The following FTO variants were observed in gnomAD, a reference collection of about 807,000 sequenced individuals.
FTO encodes the protein alpha-ketoglutarate-dependent dioxygenase FTO.
A neutral mutation model predicts 63.9 loss-of-function variants in FTO; 47 were observed. That is an observed-to-expected ratio of 0.74 (90% CI 0.58 to 0.94). The LOEUF (loss-of-function observed/expected upper bound fraction) is 0.94, where lower values mean the gene tolerates loss of function less well. FTO is among the 40% of genes least tolerant of loss of function. The pLI, the probability that FTO is intolerant of heterozygous loss-of-function variation, is 0.00. For synonymous variants in FTO, 207 were observed against 224.4 expected (o/e 0.92, Z 0.69); for missense variants, 562 against 618.1 (o/e 0.91, Z 0.96).
Position 53,882,869 on chromosome 16 carries a change from C to G in FTO, c.1119+2882C>G, listed in dbSNP as rs564782626. 9.9e-5 allele frequency among the ~76,000 whole-genome samples: 15 copies of G among 152,272 alleles called. No individual in the cohort carries two copies. The East Asian group carries it at 2.7e-3, about 27-fold the overall frequency. ...ACTTTGTGAAACATTGTCATAATCT[C>G]CAGAACCACAGGGGAAGCAATTCTG... is the stretch of plus-strand genomic sequence containing the variant. On this transcript the variant is annotated intron_variant, in intron 6 of 8. Coordinates refer to ENST00000471389, the MANE Select transcript of FTO (RefSeq NM_001080432.3).
intron 6 of FTO, among the ~76,000 whole-genome samples, chr16:53,888,433 T>TTTTAAAAATAAAA (rs1283533485): frequency 4.0e-5 from 6 of 151,262 alleles, no homozygotes; most frequent in South Asian, 2.1e-4. Context: ...GCCAATTTAT[T>TTTTAAAAATAAAA]AGTAGCTTGG....
At chr16:53,972,019 T>C (rs1367178165) in intron 8 of FTO, among the ~76,000 whole-genome samples, 3 of 152,108 alleles carry the variant, frequency 2.0e-5, no homozygotes, top group African/African-American at 7.2e-5. Flanking sequence ...CGACAAATGA[T>C]GTATAATCTG....
chr16:53,932,337 T>TA (rs1218921865), intron 7 of FTO, among the ~76,000 whole-genome samples: 5 of 152,118 alleles, frequency 3.3e-5, no homozygotes, highest in African/African-American at 4.8e-5. Context: ...TTTTCTGACT[T>TA]ACCTGTTTGT....
At chr16:53,999,814 G>C (rs1237879188) in intron 8 of FTO, 1 of 152,194 alleles carries the variant, frequency 6.6e-6, no homozygotes. Flanking sequence ...TAATTTGCTA[G>C]GTTTCGTTCC....
chr16:53,904,032 T>C (rs578231883), intron 7 of FTO, among the ~76,000 whole-genome samples: 6 of 151,868 alleles, frequency 4.0e-5, no homozygotes, highest in Non-Finnish European at 2.9e-5. Flanking sequence ...ATAGACAATA[T>C]ACATATATGT....
At chr16:53,967,621 T>C (rs2083223823) in intron 8 of FTO, among the ~76,000 whole-genome samples, 1 of 152,244 alleles carries the variant, frequency 6.6e-6, no homozygotes, top group Non-Finnish European at 1.5e-5. Context: ...CAAGTGCATA[T>C]TTCCAAAGTG....
At chr16:54,110,659 A>G (rs555309408) in intron 8 of FTO, among the ~76,000 whole-genome samples, 35 of 152,328 alleles carry the variant, frequency 2.3e-4, no homozygotes, top group Middle Eastern at 6.8e-3. Flanking sequence ...AGGATATTCC[A>G]TTCTTTGATC....
intron 8 of FTO, among the ~76,000 whole-genome samples, chr16:53,949,053 G>A (rs1156778235): frequency 6.6e-6 from 1 of 152,184 alleles, no homozygotes; most frequent in Non-Finnish European, 1.5e-5. Context: ...AGTGAATGAG[G>A]TGTATATGGT....
At chr16:53,959,828 C>G (rs1045182702) in intron 8 of FTO, among the ~76,000 whole-genome samples, 1 of 152,064 alleles carries the variant, frequency 6.6e-6, no homozygotes, top group Admixed American at 6.6e-5. Flanking sequence ...AGGGTACAAG[C>G]TGGGTCCTGA....
chr16:53,747,518 T>C (rs909482067), intron 1 of FTO, among the ~76,000 whole-genome samples: 1 of 152,160 alleles, frequency 6.6e-6, no homozygotes, highest in Non-Finnish European at 1.5e-5. Flanking sequence ...ACCTTCCCCA[T>C]TTTTTAACTG....
intron 7 of FTO, among the ~76,000 whole-genome samples, chr16:53,908,479 C>T (rs1252382417): frequency 6.6e-6 from 1 of 152,196 alleles, no homozygotes; most frequent in East Asian, 1.9e-4. Flanking sequence ...GGGGTCGGCA[C>T]ATCGTTCCTT....
chr16:53,763,567 T>C (rs990321546), intron 1 of FTO, among the ~76,000 whole-genome samples: 1 of 152,192 alleles, frequency 6.6e-6, no homozygotes, highest in African/African-American at 2.4e-5. Context: ...GTACCCTGGA[T>C]GTTTGCTATG....
chr16:53,786,368 C>T (rs1238483865), intron 1 of FTO, among the ~76,000 whole-genome samples: 1 of 152,130 alleles, frequency 6.6e-6, no homozygotes, highest in Non-Finnish European at 1.5e-5. Flanking sequence ...CAGTTCCAGT[C>T]ATTTTTGACA....
intron 2 of FTO, among the ~76,000 whole-genome samples, chr16:53,815,358 G>C (rs1009562054): frequency 6.6e-6 from 1 of 152,056 alleles, no homozygotes; most frequent in African/African-American, 2.4e-5. Flanking sequence ...CCCTCATTTA[G>C]TCACTGGGTC....
chr16:53,880,081 A>G (rs2080782178), intron 6 of FTO, 94 bp downstream of exon 6: 4 of 893,722 alleles, frequency 4.5e-6, no homozygotes, highest in East Asian at 5.3e-5. Flanking sequence ...TACAACCTCC[A>G]TCTCCCAGGT....
intron 8 of FTO, among the ~76,000 whole-genome samples, chr16:54,022,042 T>A (rs2084613967): frequency 1.3e-5 from 2 of 152,196 alleles, no homozygotes; most frequent in South Asian, 4.1e-4. Context: ...CAAATAGATT[T>A]CTATTTATTT....
At chr16:53,956,250 T>C (rs180698769) in intron 8 of FTO, among the ~76,000 whole-genome samples, 1 of 152,292 alleles carries the variant, frequency 6.6e-6, no homozygotes, top group East Asian at 1.9e-4. Flanking sequence ...CCCTGTGATA[T>C]TTCTCTCCCT....
intron 1 of FTO, among the ~76,000 whole-genome samples, chr16:53,807,643 A>C (rs1358743725): frequency 6.6e-6 from 1 of 152,180 alleles, no homozygotes; most frequent in African/African-American, 2.4e-5. Flanking sequence ...TGGTGTTTGC[A>C]AGGTGGAGAC....
intron 3 of FTO, among the ~76,000 whole-genome samples, chr16:53,834,207 G>C (rs1004657161): frequency 6.6e-6 from 1 of 151,996 alleles, no homozygotes; most frequent in African/African-American, 2.4e-5. Flanking sequence ...TGTATTTTTA[G>C]TAGAGGTGGA....
Sources: gnomAD v4.1 joint callset for allele counts (sites outside exome capture counted in the v4.1 genomes callset) on GRCh38, gnomAD v4.1.1 for gene constraint, MANE v1.5 for transcripts, NCBI Gene and HGNC (gene_info 2026-07-23, HGNC 2026-07-21) for gene names.